Variants in NUBP2 observed in about 807,000 individuals in gnomAD.
The protein encoded by NUBP2 is NUBP iron-sulfur cluster assembly factor 2, cytosolic, also known as cytosolic Fe-S cluster assembly factor NUBP2.
In NUBP2, 23 loss-of-function variants were observed where a neutral mutation model predicts 24.9. The ratio of observed to expected loss-of-function variants is 0.92; its 90% CI spans 0.66 to 1.31. NUBP2 has a LOEUF of 1.31. NUBP2 is among the 50% of genes most tolerant of loss of function. The pLI is 0.00. For missense variants in NUBP2, 403 were observed against 386.5 expected (o/e 1.04, Z -0.36); for synonymous variants, 186 against 170.9 (o/e 1.09, Z -0.69).
chr16:1,783,304 C>A (rs1896809055), intron 1 of NUBP2: 4 of 1,133,052 alleles, frequency 3.5e-6, no homozygotes, highest in Non-Finnish European at 4.3e-6. Flanking sequence ...TTGTTGAGCA[C>A]CGCGTTGTAG....
chr16:1,785,940 A>G (rs1167383946), intron 1 of NUBP2: 10 of 1,261,072 alleles, frequency 7.9e-6, no homozygotes, highest in Admixed American at 2.4e-5. Context: ...ATCTGCACAC[A>G]GCAGCCCCTG....
intron 2 of NUBP2, 43 bp from the exon 3 acceptor site, chr16:1,786,714 G>C (rs369987314): frequency 2.4e-5 from 39 of 1,611,472 alleles, no homozygotes; most frequent in Non-Finnish European, 3.3e-5. Flanking sequence ...TCCCGGTGGA[G>C]GCCTGGCGGT....
In NUBP2 at chr16:1,787,741, G is replaced by A. The variant is rs373203187; in HGVS notation, c.399G>A (p.Thr133=). 6.2e-6 allele frequency: 10 copies of A among 1,612,430 alleles called. No individual in the cohort carries two copies. The highest frequency in any genetic ancestry group is 4.5e-5 in the East Asian group (2 of 44,888). The change falls in exon 4 of 7, where the codon ACG becomes ACA. Residue 133 remains threonine (T), a synonymous_variant. Transcript: ENST00000262302. ...WGELDYLVVD[T]PPGTSDEHMA... ...AGCTGGACTACCTGGTGGTGGACAC[G>A]CCCCCGGGGACCTCCGATGAGCACA...
intron 6 of NUBP2, 90 bp downstream of exon 6, chr16:1,788,297 G>GGA (rs1441020111): frequency 3.2e-6 from 4 of 1,266,796 alleles, no homozygotes; most frequent in Admixed American, 3.1e-5. Context: ...AGTGCCCAAG[G>GGA]GAGAGGAGGG....
chr16:1,784,301 G>A (rs1896859118), intron 1 of NUBP2, among the ~76,000 whole-genome samples: 1 of 151,854 alleles, frequency 6.6e-6, no homozygotes, highest in Non-Finnish European at 1.5e-5. Context: ...TATTGAGAGT[G>A]GTGCGGAACT....
At chr16:1,787,381 G>A in intron 3 of NUBP2, 1 of 509,996 alleles carries the variant, frequency 2.0e-6, no homozygotes, top group Middle Eastern at 5.1e-4. Flanking sequence ...CCATGTGTGG[G>A]TACAGACGCC....
chr16:1,785,721 T>C, intron 1 of NUBP2: 1 of 1,289,126 alleles, frequency 7.8e-7, no homozygotes, highest in Non-Finnish European at 1.0e-6. Context: ...CCCGCCTGCA[T>C]GCCAGGTTCT....
Position 1,787,591 on chromosome 16 carries a change from G to A in NUBP2, c.335-86G>A, listed in dbSNP as rs953090509. On this transcript the variant is annotated intron_variant, in intron 3 of 6. Transcript: ENST00000262302. ...ACACCTGATGGACTGCAGCCCCTCG[G>A]CCTGACCTGGCTGGTTCTTAGTGGC... The A allele has an allele frequency of 3.5e-5, 54 of 1,542,782 alleles. No homozygotes were observed. The African/African-American group carries it at 4.6e-4, about 13-fold the overall frequency.
rs777001626 is a variant in NUBP2 at position 1,788,681 on chromosome 16, G to T, written c.783G>T (p.Lys261Asn). Reference protein sequence around the residue: ...AFAALTSIAQKILDATPACLP With the variant: ...AFAALTSIAQNILDATPACLP Reference sequence around the variant, plus strand: ...CTGCACTCACCTCCATAGCCCAGAAGATTCTGGACGCGACGCCCGCGTGCC... The same window carrying T: ...CTGCACTCACCTCCATAGCCCAGAATATTCTGGACGCGACGCCCGCGTGCC... Residue 261 changes from lysine to asparagine, a missense_variant, in exon 7 of 7, where the codon AAG (lysine) becomes AAT (asparagine). Coordinates refer to ENST00000262302, the MANE Select transcript of NUBP2 (RefSeq NM_012225.4). 1.2e-6 allele frequency: 2 copies of T among 1,612,286 alleles called. No homozygotes were observed. The highest frequency in any genetic ancestry group is 1.7e-4 in the Middle Eastern group (1 of 6,056).
At chr16:1,785,182 G>T (rs1896905317) in intron 1 of NUBP2, 8 of 999,630 alleles carry the variant, frequency 8.0e-6, no homozygotes, top group Non-Finnish European at 9.5e-6. Context: ...CGGGGAGATG[G>T]TGCTTCGCCT....
rs368995952 is a variant in NUBP2, at chr16:1,788,143, C to T, written c.606C>T (p.Cys202=). 40 of 1,549,910 alleles carry T rather than the reference C, an allele frequency of 2.6e-5. No individual in the cohort carries two copies. In the African/African-American group the frequency reaches 3.0e-4, roughly 12 times the overall value. The part of the protein sequence containing the change: ...SGFTCPHCTE[C]TSVFSRGGGE... ...GGCTCACCACCGTCTCCTAGGAGTGCACCAGCGTCTTCTCCAGGGGCGGCG... is the reference window on the plus strand; with the variant it reads ...GGCTCACCACCGTCTCCTAGGAGTGTACCAGCGTCTTCTCCAGGGGCGGCG... The change falls in exon 6 of 7, where the codon TGC becomes TGT. Residue 202 remains cysteine, a synonymous_variant. Coordinates refer to ENST00000262302, the MANE Select transcript of NUBP2 (RefSeq NM_012225.4).
chr16:1,788,902 T>A lies in NUBP2; in HGVS notation c.*188T>A. ...CACCAGCAGCTCTGCCTGGTTGGCC[T>A]GCAGTGCCGTGGTCTGCGTGCTCTG... On this transcript the variant is annotated 3_prime_UTR_variant, in exon 7 of 7. Transcript: ENST00000262302. The A allele has an allele frequency of 1.4e-6, 1 of 731,434 alleles. No homozygotes were observed. The highest frequency in any genetic ancestry group is 2.1e-6 in the Non-Finnish European group (1 of 467,954). 45.3% of individuals were successfully genotyped at this position (731,434 alleles called of 1,614,324 possible).
intron 1 of NUBP2, chr16:1,786,164 C>A: frequency 7.8e-6 from 2 of 254,984 alleles, no homozygotes; most frequent in East Asian, 1.0e-4. Context: ...AGTCTGGTTC[C>A]CGTTAGAAAT....
Position 1,788,213 on chromosome 16 carries a change from T to C in NUBP2, c.670+6T>C. On this transcript the variant is annotated splice_donor_region_variant and intron_variant, in intron 6 of 6. Coordinates refer to ENST00000262302, the MANE Select transcript of NUBP2 (RefSeq NM_012225.4). ...CGCCGGGGTGCCCTTCTTAGGTGAG[T>C]GTCCCAAGCTGGTGCTGGGGTCGCG... 1 of 1,471,362 alleles carries C rather than the reference T, an allele frequency of 6.8e-7. No homozygotes were observed. Among genetic ancestry groups the C allele is most frequent in the Non-Finnish European group, 9.0e-7 (1 of 1,113,254 alleles). 91.1% of individuals were successfully genotyped at this position (1,471,362 alleles called of 1,614,324 possible). A position where few individuals can be genotyped will look rare whatever the true frequency, so the allele number is the denominator to read the frequency against.
In NUBP2 at chr16:1,787,442, G is replaced by A. The variant is rs931734569; in HGVS notation, c.335-235G>A. The A allele has an allele frequency of 5.0e-6, 3 of 594,660 alleles. No homozygotes were observed. The South Asian group carries it at 6.4e-5, about 13-fold the overall frequency. The allele number at this position is 594,660 out of a possible 1,614,324, so 36.8% of individuals were successfully genotyped here. Reference sequence around the variant, plus strand: ...ATTTGGGGCCTCGGGGAGTCAGCGGGGGCTCTGTGGGCAGGGGCCAGACAC... The same window carrying A: ...ATTTGGGGCCTCGGGGAGTCAGCGGAGGCTCTGTGGGCAGGGGCCAGACAC... On this transcript the variant is annotated intron_variant, in intron 3 of 6. Coordinates refer to ENST00000262302, the MANE Select transcript of NUBP2 (RefSeq NM_012225.4).
chr16:1,787,629 G>T (rs1897039313), intron 3 of NUBP2, 48 bp from the exon 4 acceptor site: 2 of 1,597,832 alleles, frequency 1.3e-6, no homozygotes, highest in Admixed American at 1.7e-5. Context: ...AGGGCCACGT[G>T]TGCAGACCTG....
chr16:1,787,063 C>T (rs1897009088), intron 3 of NUBP2, 108 bp downstream of exon 3: 1 of 1,108,314 alleles, frequency 9.0e-7, no homozygotes, highest in Non-Finnish European at 1.2e-6. Context: ...TTCCTGGGGA[C>T]CTGCACATGA....
Position 1,788,767 on chromosome 16 carries a change from C to T in NUBP2, c.*53C>T. ...GGGCCACCAAGGGCTCTGCTCCAGC[C>T]TCTCAGAGAAACAGAGGCCTGGGCT... On this transcript the variant is annotated 3_prime_UTR_variant, in exon 7 of 7. Transcript: ENST00000262302. 1 of 1,558,606 alleles carries T rather than the reference C, an allele frequency of 6.4e-7. No homozygotes were observed. The highest frequency in any genetic ancestry group is 8.7e-7 in the Non-Finnish European group (1 of 1,151,592).
At position 1,788,302 on chromosome 16, in the gene NUBP2, G is replaced by A. The variant is rs1897086721; in HGVS notation, c.670+95G>A. 3 of 1,231,264 alleles carry A rather than the reference G, an allele frequency of 2.4e-6. No homozygotes were observed. In the South Asian group the frequency reaches 5.0e-5, roughly 20 times the overall value. The allele number at this position is 1,231,264 out of a possible 1,614,324, so 76.3% of individuals were successfully genotyped here. A position where few individuals can be genotyped will look rare whatever the true frequency, so the allele number is the denominator to read the frequency against. ...CCATGCCCCCAGTGCCCAAGGGAGA[G>A]GAGGGGACGGGAGCGGTTTCCTCCT... On this transcript the variant is annotated intron_variant, in intron 6 of 6. Transcript: ENST00000262302.
Sources: allele counts gnomAD v4.1 joint callset (sites outside exome capture counted in the v4.1 genomes callset), GRCh38; gene constraint gnomAD v4.1.1; transcripts MANE v1.5; gene names NCBI Gene and HGNC (gene_info 2026-07-23, HGNC 2026-07-21).